OTUD7B: variants seen among roughly 807,000 people sequenced by gnomAD.
The protein encoded by OTUD7B is OTU domain-containing protein 7B.
Under a neutral mutation model 82.2 loss-of-function variants are expected in OTUD7B, and 34 were observed. The observed-to-expected ratio is 0.41, with a 90% confidence interval of 0.31 to 0.55. The LOEUF (loss-of-function observed/expected upper bound fraction) is 0.55. OTUD7B is among the 20% of genes least tolerant of loss of function. The pLI is 0.20. For synonymous variants in OTUD7B, 398 were observed against 402.7 expected (o/e 0.99, Z 0.14); for missense variants, 944 against 1,062.1 (o/e 0.89, Z 1.55).
At chr1:149,996,343 T>C (rs782563301) in intron 1 of OTUD7B, among the ~76,000 whole-genome samples, 1 of 151,056 alleles carries the variant, frequency 6.6e-6, no homozygotes, top group African/African-American at 2.4e-5. Context: ...AAGACACATT[T>C]CTTTCTTGGA....
intron 1 of OTUD7B, among the ~76,000 whole-genome samples, chr1:149,982,834 T>C (rs1199677585): frequency 3.0e-5 from 2 of 67,252 alleles, no homozygotes; most frequent in African/African-American, 1.2e-4. Flanking sequence ...CAGCTTCTCC[T>C]CTCTTACTTT....
chr1:150,059,994 C>T, the OTUD7B span, among the ~76,000 whole-genome samples: 2 of 152,034 alleles, frequency 1.3e-5, no homozygotes. Context: ...TTAGTCATCT[C>T]AACCATTTCA....
the OTUD7B span, chr1:150,047,845 G>C: frequency 6.6e-6 from 1 of 152,054 alleles, no homozygotes; most frequent in Non-Finnish European, 1.5e-5. Context: ...CCAGCTACTC[G>C]GGAGGCTGAG....
intron 6 of OTUD7B, chr1:149,961,348 T>G (rs782050609): frequency 1.3e-5 from 2 of 152,124 alleles, no homozygotes; most frequent in Non-Finnish European, 2.9e-5. Context: ...GCTATAGAGT[T>G]GTTGTTGTTT....
chr1:150,013,937 A>AT (rs1553787932), upstream of OTUD7B, among the ~76,000 whole-genome samples: 39,858 of 81,462 alleles, frequency 0.49, 10,981 homozygotes, highest in African/African-American at 0.63. Context: ...AAAAAAAAAT[A>AT]ATATATATAT....
At chr1:150,002,477 C>T (rs1652361318) in intron 1 of OTUD7B, among the ~76,000 whole-genome samples, 1 of 152,140 alleles carries the variant, frequency 6.6e-6, no homozygotes, top group Non-Finnish European at 1.5e-5. Context: ...GAACATCTTT[C>T]TCAGTCAGAC....
chr1:149,981,509 C>G (rs1650730072), intron 1 of OTUD7B, among the ~76,000 whole-genome samples: 1 of 152,206 alleles, frequency 6.6e-6, no homozygotes, highest in Non-Finnish European at 1.5e-5. Flanking sequence ...ACAATAAAAT[C>G]TACTTCCCAA....
the OTUD7B span, among the ~76,000 whole-genome samples, chr1:150,025,347 G>A: frequency 0.047 from 7,066 of 151,020 alleles, 577 homozygotes; most frequent in African/African-American, 0.16. Flanking sequence ...CCCAGGAGGC[G>A]GAGGTTGCAG....
chr1:149,953,051 A>T (rs1648385056), intron 7 of OTUD7B, among the ~76,000 whole-genome samples: 1 of 152,140 alleles, frequency 6.6e-6, no homozygotes, highest in Non-Finnish European at 1.5e-5. Flanking sequence ...CTTTAGTTTA[A>T]TTAGATCCCA....
chr1:150,039,050 C>T, the OTUD7B span, among the ~76,000 whole-genome samples: 5 of 152,118 alleles, frequency 3.3e-5, no homozygotes, highest in African/African-American at 7.2e-5. Flanking sequence ...ATACATTCTA[C>T]TCTATTCCAA....
At chr1:150,062,729 T>TG in the OTUD7B span, among the ~76,000 whole-genome samples, 2 of 147,268 alleles carry the variant, frequency 1.4e-5, no homozygotes, top group African/African-American at 2.5e-5. Context: ...TTTTTTTTTT[T>TG]GAGACGGAGT....
At chr1:149,998,611 A>G (rs1359484773) in intron 1 of OTUD7B, among the ~76,000 whole-genome samples, 1 of 152,214 alleles carries the variant, frequency 6.6e-6, no homozygotes, top group Non-Finnish European at 1.5e-5. Context: ...TTAAACTTCT[A>G]TATAGCTATG....
chr1:150,029,472 C>T, the OTUD7B span, among the ~76,000 whole-genome samples: 2 of 152,186 alleles, frequency 1.3e-5, no homozygotes, highest in Non-Finnish European at 2.9e-5. Flanking sequence ...TAGTAAGTAA[C>T]TGCATTTATG....
chr1:149,980,745 G>A (rs1553779480), intron 1 of OTUD7B, among the ~76,000 whole-genome samples: 1 of 152,132 alleles, frequency 6.6e-6, no homozygotes, highest in East Asian at 1.9e-4. Flanking sequence ...GGGCACAGTG[G>A]CTCATGCCTG....
the OTUD7B span, among the ~76,000 whole-genome samples, chr1:150,021,646 T>C: frequency 6.6e-6 from 1 of 152,148 alleles, no homozygotes; most frequent in Non-Finnish European, 1.5e-5. Context: ...CCGCATTGGA[T>C]TTAATGAGAG....
At position 149,938,827 on chromosome 1, in the gene OTUD7B, G is replaced by C. The variant is rs1284977591; in HGVS notation, c.*5030C>G. ...GGCTCCTGTAATCCCAGCTACTCGGGAGCCTGAGGCAGGAGAATCGCTTGA... is the reference window on the plus strand; with the variant it reads ...GGCTCCTGTAATCCCAGCTACTCGGCAGCCTGAGGCAGGAGAATCGCTTGA... On this transcript the variant is annotated 3_prime_UTR_variant, in exon 12 of 12. Transcript: ENST00000581312. 1 of 149,214 alleles carries C rather than the reference G, an allele frequency of 6.7e-6. No individual in the cohort carries two copies. The highest frequency in any genetic ancestry group is 1.9e-4 in the East Asian group (1 of 5,144). 9.2% of individuals were successfully genotyped at this position (149,214 alleles called of 1,614,324 possible).
At chr1:149,983,096 C>G (rs984868101) in intron 1 of OTUD7B, among the ~76,000 whole-genome samples, 2 of 152,110 alleles carry the variant, frequency 1.3e-5, no homozygotes, top group Non-Finnish European at 2.9e-5. Flanking sequence ...ACCTCGTGAT[C>G]CACCCGCCTT....
At chr1:150,027,249 G>A in the OTUD7B span, among the ~76,000 whole-genome samples, 1 of 152,002 alleles carries the variant, frequency 6.6e-6, no homozygotes, top group Non-Finnish European at 1.5e-5. Context: ...TCTTCTATAG[G>A]GAATACAGAG....
At chr1:149,949,964 T>C in intron 8 of OTUD7B, 130 bp downstream of exon 8, 1 of 1,371,660 alleles carries the variant, frequency 7.3e-7, no homozygotes, top group East Asian at 2.3e-5. Flanking sequence ...TTTTGCACTA[T>C]TCTAATTGAT....
Sources: gnomAD v4.1 joint callset for allele counts (sites outside exome capture counted in the v4.1 genomes callset) on GRCh38, gnomAD v4.1.1 for gene constraint, MANE v1.5 for transcripts, NCBI Gene and HGNC (gene_info 2026-07-23, HGNC 2026-07-21) for gene names.